TECRL: variants seen among roughly 807,000 people sequenced by gnomAD.
TECRL encodes the protein trans-2,3-enoyl-CoA reductase like, also known as trans-2,3-enoyl-CoA reductase-like.
Under a neutral mutation model 52.8 loss-of-function variants are expected in TECRL, and 63 were observed. That is an observed-to-expected ratio of 1.19 (90% CI 0.97 to 1.47). TECRL has a LOEUF of 1.47. Ranked by LOEUF, TECRL falls within the 40% of genes most tolerant of loss-of-function variation. The probability of loss-of-function intolerance (pLI) is 0.00; values close to 1 mark genes in which losing one functional copy is unlikely to be tolerated. For missense variants in TECRL, 482 were observed against 429.6 expected, an observed-to-expected ratio of 1.12 and a Z score of -1.08; for synonymous variants, 164 against 141.9, an observed-to-expected ratio of 1.16 and a Z score of -1.10.
rs139328260 is a variant in TECRL, at chr4:64,304,085, A to G, written c.730+1081T>C. On this transcript the variant is annotated intron_variant, in intron 7 of 11. Transcript: ENST00000381210. ...AGTCAGTTTTCAATAAATGTTTTAC[A>G]TATATTAACAAAATTAACTACTATT... Among the ~76,000 whole-genome samples the G allele has an allele frequency of 8.8e-3, 1,342 of 152,008 alleles. 18 individuals carry two copies. Among genetic ancestry groups the G allele is most frequent in the African/African-American group, 0.031 (1,278 of 41,556 alleles).
chr4:64,384,390 C>A (rs546488345), intron 1 of TECRL, among the ~76,000 whole-genome samples: 2 of 151,408 alleles, frequency 1.3e-5, no homozygotes, highest in Admixed American at 6.6e-5. Context: ...GTCCTGAGGC[C>A]CCAAGTTGGC....
At chr4:64,302,296 T>C (rs1724068942) in intron 7 of TECRL, among the ~76,000 whole-genome samples, 1 of 151,458 alleles carries the variant, frequency 6.6e-6, no homozygotes, top group East Asian at 1.9e-4. Context: ...CCAAATTTGA[T>C]GAGAATAGAT....
intron 1 of TECRL, among the ~76,000 whole-genome samples, chr4:64,395,000 T>G (rs1723831531): frequency 6.7e-6 from 1 of 150,180 alleles, no homozygotes; most frequent in African/African-American, 2.5e-5. Flanking sequence ...ACAACCTTTG[T>G]CTCCGGGGTT....
rs1015033528 is a variant in TECRL, at chr4:64,375,968, A to G, written c.235-745T>C. 5.3e-5 allele frequency among the ~76,000 whole-genome samples: 8 copies of G among 152,006 alleles called. No homozygotes were observed. In the East Asian group the frequency reaches 7.7e-4, roughly 15 times the overall value. On this transcript the variant is annotated intron_variant, in intron 1 of 11. Transcript: ENST00000381210. ...ACATTTTATGATAATTCAAGAAAAT[A>G]TATTTCCTTTCCCTGAATAAGCATA...
intron 2 of TECRL, among the ~76,000 whole-genome samples, chr4:64,350,420 T>C (rs188366920): frequency 6.6e-6 from 1 of 152,356 alleles, no homozygotes; most frequent in African/African-American, 2.4e-5. Flanking sequence ...TAATTTTATC[T>C]GATGAATTGG....
At chr4:64,391,400 T>A (rs748432772) in intron 1 of TECRL, among the ~76,000 whole-genome samples, 2 of 151,864 alleles carry the variant, frequency 1.3e-5, no homozygotes, top group Non-Finnish European at 2.9e-5. Flanking sequence ...ACTGGATGTT[T>A]AACCAGTCTG....
intron 1 of TECRL, among the ~76,000 whole-genome samples, chr4:64,384,137 A>T (rs746758390): frequency 3.9e-4 from 60 of 152,228 alleles, no homozygotes; most frequent in Non-Finnish European, 5.6e-4. Flanking sequence ...CATGTGTGCC[A>T]GTCATTGGGT....
At chr4:64,378,758 T>C (rs1169970612) in intron 1 of TECRL, among the ~76,000 whole-genome samples, 3 of 152,006 alleles carry the variant, frequency 2.0e-5, no homozygotes, top group African/African-American at 7.2e-5. Context: ...GAAATATGAG[T>C]TTTAACAAGG....
chr4:64,314,708 C>T lies in TECRL; in HGVS notation c.491G>A (p.Arg164Lys), dbSNP rs773655742. 1 of 1,612,668 alleles carries T rather than the reference C, an allele frequency of 6.2e-7. No individual in the cohort carries two copies. ...TTTTCCATCATATATACATGGGATC[C>T]TCAAATAAAAGAGGAGGTATATTAG... is the stretch of plus-strand genomic sequence containing the variant. ...PLLIYLLFYL[R>K]IPCIYDGKES... The change falls in exon 5 of 12, where the codon AGG (arginine) becomes AAG (lysine). Residue 164 changes from arginine to lysine, a missense_variant. Arg to Lys is a conservative substitution (Grantham distance 26). Transcript: ENST00000381210.
rs201112502 is a variant in TECRL, at chr4:64,404,162, T to C, written c.234+4956A>G. Among the ~76,000 whole-genome samples the C allele has an allele frequency of 4.0e-5, 6 of 151,386 alleles. No homozygotes were observed. The East Asian group carries it at 1.2e-3, about 29-fold the overall frequency. ...TTTTACTATTAGAAGAATTAGAGAA[T>C]TATTGAATGCTTTATTTTATTCATA... On this transcript the variant is annotated intron_variant, in intron 1 of 11. Coordinates refer to ENST00000381210, the MANE Select transcript of TECRL (RefSeq NM_001010874.5).
chr4:64,408,031 T>C (rs1281265688), intron 1 of TECRL, among the ~76,000 whole-genome samples: 1 of 151,750 alleles, frequency 6.6e-6, no homozygotes, highest in Admixed American at 6.6e-5. Flanking sequence ...GATCTTTTAG[T>C]TCAATTCATG....
chr4:64,305,757 A>G (rs1036803777), intron 6 of TECRL, among the ~76,000 whole-genome samples: 4 of 152,154 alleles, frequency 2.6e-5, no homozygotes, highest in African/African-American at 4.8e-5. Context: ...TGGAGTAGCT[A>G]TAGCCAAACC....
At chr4:64,372,682 A>G (rs1242864715) in intron 2 of TECRL, among the ~76,000 whole-genome samples, 7 of 151,744 alleles carry the variant, frequency 4.6e-5, no homozygotes, top group Non-Finnish European at 1.0e-4. Flanking sequence ...CAAAACGAGA[A>G]CAAAAGATAG....
intron 5 of TECRL, among the ~76,000 whole-genome samples, chr4:64,314,327 C>A (rs563848441): frequency 6.6e-6 from 1 of 151,806 alleles, no homozygotes; most frequent in Non-Finnish European, 1.5e-5. Context: ...CATGGTCTTT[C>A]AATTTTGTAA....
chr4:64,313,860 G>A (rs1374081856), intron 5 of TECRL, among the ~76,000 whole-genome samples: 1 of 149,506 alleles, frequency 6.7e-6, no homozygotes, highest in Non-Finnish European at 1.5e-5. Flanking sequence ...GTGGCCGGGC[G>A]TGGTGGCTCA....
chr4:64,353,009 G>A (rs1720506277), intron 2 of TECRL, among the ~76,000 whole-genome samples: 1 of 152,096 alleles, frequency 6.6e-6, no homozygotes, highest in African/African-American at 2.4e-5. Flanking sequence ...ACAAGCCACT[G>A]CACCCAATTC....
chr4:64,282,652 C>T (rs1486355978), intron 9 of TECRL, among the ~76,000 whole-genome samples: 1 of 151,938 alleles, frequency 6.6e-6, no homozygotes, highest in Admixed American at 6.6e-5. Context: ...TGCTTTAGAG[C>T]CTGTAGTTTA....
chr4:64,376,142 T>A (rs193103812), intron 1 of TECRL, among the ~76,000 whole-genome samples: 1 of 152,034 alleles, frequency 6.6e-6, no homozygotes. Context: ...ACATTACATT[T>A]GATGTTTTAT....
intron 9 of TECRL, among the ~76,000 whole-genome samples, chr4:64,286,273 T>C (rs1266176514): frequency 2.0e-5 from 3 of 151,964 alleles, no homozygotes; most frequent in African/African-American, 7.2e-5. Flanking sequence ...TTGATTGTAC[T>C]CAAGAAATTG....
Sources: allele counts gnomAD v4.1 joint callset (sites outside exome capture counted in the v4.1 genomes callset), GRCh38; gene constraint gnomAD v4.1.1; transcripts MANE v1.5; gene names NCBI Gene and HGNC (gene_info 2026-07-23, HGNC 2026-07-21).